Variants in LIPI observed in about 807,000 individuals in gnomAD.
LIPI encodes the protein lipase I, also known as lipase member I.
LIPI carries 59 observed loss-of-function variants against 50.6 expected under a neutral mutation model. The observed-to-expected ratio is 1.16, with a 90% CI of 0.94 to 1.45. The LOEUF (loss-of-function observed/expected upper bound fraction) is 1.45, where lower values mean the gene tolerates loss of function less well. Ranked by LOEUF, LIPI falls within the 40% of genes most tolerant of loss-of-function variation. The pLI, the probability that LIPI is intolerant of heterozygous loss-of-function variation, is 0.00. For synonymous variants in LIPI, 203 were observed against 178.2 expected (o/e 1.14, Z -1.11); for missense variants, 586 against 536.3 (o/e 1.09, Z -0.92).
chr21:14,179,317 A>G (rs1176969214), intron 4 of LIPI, among the ~76,000 whole-genome samples: 1 of 152,072 alleles, frequency 6.6e-6, no homozygotes, highest in African/African-American at 2.4e-5. Flanking sequence ...CACGCATATC[A>G]TTCAGAAATT....
intron 9 of LIPI, among the ~76,000 whole-genome samples, chr21:14,134,698 G>A (rs773162454): frequency 1.1e-4 from 16 of 152,030 alleles, no homozygotes; most frequent in Non-Finnish European, 1.9e-4. Context: ...TAAAAGGACA[G>A]CCAATTCAAT....
intron 4 of LIPI, among the ~76,000 whole-genome samples, chr21:14,180,125 G>T (rs1216790049): frequency 6.6e-6 from 1 of 152,090 alleles, no homozygotes; most frequent in African/African-American, 2.4e-5. Context: ...GATATGCCCT[G>T]GTCTCCTGCA....
At chr21:14,113,442 C>A (rs59313234) in intron 9 of LIPI, among the ~76,000 whole-genome samples, 13,480 of 152,070 alleles carry the variant, frequency 0.089, 941 homozygotes, top group East Asian at 0.41. Flanking sequence ...TTAGATATTG[C>A]AGAAAAAATC....
intron 7 of LIPI, among the ~76,000 whole-genome samples, chr21:14,159,569 TTTTTTTCTC>T (rs1464993428): frequency 6.6e-6 from 1 of 151,322 alleles, no homozygotes; most frequent in African/African-American, 2.4e-5. Context: ...GATTGGATTT[TTTTTTTCTC>T]TAAGGCAAAG....
chr21:14,109,210 G>A, intron 9 of LIPI, 130 bp from the exon 10 acceptor site: 1 of 722,540 alleles, frequency 1.4e-6, no homozygotes, highest in Non-Finnish European at 2.4e-6. Context: ...GTAGGGAGTT[G>A]GAACAAATAT....
At chr21:14,148,270 C>T (rs1238745561) in intron 8 of LIPI, among the ~76,000 whole-genome samples, 1 of 152,042 alleles carries the variant, frequency 6.6e-6, no homozygotes, top group Non-Finnish European at 1.5e-5. Flanking sequence ...CAGGTGATCC[C>T]TATTTTCTAT....
intron 1 of LIPI, chr21:14,207,070 C>A: frequency 4.7e-6 from 3 of 642,186 alleles, no homozygotes; most frequent in South Asian, 1.6e-5. Flanking sequence ...GCCACAGAGC[C>A]AGTTAAGACA....
In LIPI at chr21:14,119,076, C is replaced by T. The variant is rs1189846042; in HGVS notation, c.1296-9996G>A. Among the ~76,000 whole-genome samples the T allele has an allele frequency of 8.5e-5, 13 of 152,292 alleles. No individual in the cohort carries two copies. The South Asian group carries it at 1.2e-3, about 15-fold the overall frequency. On this transcript the variant is annotated intron_variant, in intron 9 of 9. Coordinates refer to ENST00000681601, the MANE Select transcript of LIPI (RefSeq NM_001302998.2). ...TTCACATGCTTACACATAAAAGATG[C>T]ATTCTTCTGCATCCAATTAGCCCCT... is the stretch of plus-strand genomic sequence containing the variant.
chr21:14,183,705 G>A (rs1344305333), intron 3 of LIPI, among the ~76,000 whole-genome samples: 1 of 152,104 alleles, frequency 6.6e-6, no homozygotes, highest in Non-Finnish European at 1.5e-5. Flanking sequence ...CACCTATGCA[G>A]CCAAAAAACA....
At chr21:14,123,865 C>A (rs935758960) in intron 9 of LIPI, among the ~76,000 whole-genome samples, 2 of 152,190 alleles carry the variant, frequency 1.3e-5, no homozygotes, top group Non-Finnish European at 2.9e-5. Flanking sequence ...TAGCATTAGA[C>A]TACCTCCTGG....
At chr21:14,194,952 A>G (rs1408029854) in intron 1 of LIPI, among the ~76,000 whole-genome samples, 1 of 152,144 alleles carries the variant, frequency 6.6e-6, no homozygotes, top group African/African-American at 2.4e-5. Flanking sequence ...TATGGGAAAA[A>G]AATTTAGACA....
chr21:14,144,661 G>A lies in LIPI; in HGVS notation c.1257C>T (p.Ile419=). The A allele has an allele frequency of 6.3e-7, 1 of 1,579,768 alleles. No homozygotes were observed. The highest frequency in any genetic ancestry group is 8.7e-7 in the Non-Finnish European group (1 of 1,150,412). Residue 419 remains isoleucine (I), a synonymous_variant, in exon 9 of 10, where the codon ATC becomes ATT. Transcript: ENST00000681601. ...NLQCSTCTYK[I]QSLMLKSLTY... is the part of the protein sequence containing the mutation. ...TAAGTGATTTTAACATGAGACTCTG[G>A]ATCTTGTATGTGCATGTGGAACACT... is the stretch of plus-strand genomic sequence containing the variant.
intron 7 of LIPI, among the ~76,000 whole-genome samples, chr21:14,155,992 C>T (rs2018257216): frequency 6.6e-6 from 1 of 151,804 alleles, no homozygotes; most frequent in Non-Finnish European, 1.5e-5. Flanking sequence ...ATCTAATATT[C>T]AAAATCATGA....
chr21:14,186,559 CT>C (rs1386009637), intron 2 of LIPI, among the ~76,000 whole-genome samples: 1 of 152,180 alleles, frequency 6.6e-6, no homozygotes, highest in East Asian at 1.9e-4. Context: ...GAAGTAACAA[CT>C]TTCCCAAAGC....
At chr21:14,130,718 A>G (rs1371673648) in intron 9 of LIPI, among the ~76,000 whole-genome samples, 1 of 152,194 alleles carries the variant, frequency 6.6e-6, no homozygotes, top group Non-Finnish European at 1.5e-5. Flanking sequence ...AGGGATGGAG[A>G]GATCAAGCTC....
chr21:14,147,386 A>G lies in LIPI; in HGVS notation c.1119-2587T>C, dbSNP rs772035300. On this transcript the variant is annotated intron_variant, in intron 8 of 9. Coordinates refer to ENST00000681601, the MANE Select transcript of LIPI (RefSeq NM_001302998.2). Reference sequence around the variant, plus strand: ...CTATCCTTATATGTCTCATTATGCTACAAGCTTAATGAAGGTAAGACCATG... The same window carrying G: ...CTATCCTTATATGTCTCATTATGCTGCAAGCTTAATGAAGGTAAGACCATG... Among the ~76,000 whole-genome samples, 82 of 152,174 alleles carry G rather than the reference A, an allele frequency of 5.4e-4. 1 individual carries two copies. The highest frequency in any genetic ancestry group is 8.5e-4 in the Non-Finnish European group (58 of 68,034).
intron 5 of LIPI, 46 bp from the exon 6 acceptor site, chr21:14,165,436 AT>A (rs777078641): frequency 7.2e-7 from 1 of 1,380,270 alleles, no homozygotes; most frequent in South Asian, 1.2e-5. Context: ...GTATTAAGCC[AT>A]GTTCAAGTAC....
chr21:14,176,836 C>T (rs371682412), intron 4 of LIPI, among the ~76,000 whole-genome samples: 15 of 151,424 alleles, frequency 9.9e-5, no homozygotes, highest in South Asian at 4.2e-4. Flanking sequence ...ATGTGCACTA[C>T]GTGCAGGTTT....
chr21:14,192,675 G>T (rs2019717188), intron 1 of LIPI, among the ~76,000 whole-genome samples: 1 of 152,170 alleles, frequency 6.6e-6, no homozygotes, highest in Non-Finnish European at 1.5e-5. Flanking sequence ...CAGAAACTTT[G>T]CAGGGCAGAA....
Sources: allele counts gnomAD v4.1 joint callset (sites outside exome capture counted in the v4.1 genomes callset), GRCh38; gene constraint gnomAD v4.1.1; transcripts MANE v1.5; gene names NCBI Gene and HGNC (gene_info 2026-07-23, HGNC 2026-07-21).